The following APC variants were observed in gnomAD, a reference collection of about 807,000 sequenced individuals.
APC encodes adenomatous polyposis coli protein.
In APC, 72 loss-of-function variants were observed where a neutral mutation model predicts 247.0. That is an observed-to-expected ratio of 0.29 (90% CI 0.24 to 0.35). The LOEUF is 0.35. Among genes scored for constraint, APC ranks in the 10% least tolerant of loss-of-function variants. APC has a pLI of 1.00. For synonymous variants in APC, 1,254 were observed against 1,162.5 expected, an observed-to-expected ratio of 1.08 and a Z score of -1.60; for missense variants, 3,400 against 3,360.7, an observed-to-expected ratio of 1.01 and a Z score of -0.29.
chr5:112,752,906 G>T (rs1486654780), intron 1 of APC, among the ~76,000 whole-genome samples: 3 of 152,104 alleles, frequency 2.0e-5, no homozygotes, highest in Non-Finnish European at 4.4e-5. Context: ...CATCTGAAGA[G>T]TTGATTTTTT....
At chr5:112,770,285 T>C (rs1756892149) in intron 4 of APC, among the ~76,000 whole-genome samples, 1 of 152,172 alleles carries the variant, frequency 6.6e-6, no homozygotes, top group Non-Finnish European at 1.5e-5. Flanking sequence ...GAAAAGCTTA[T>C]TTCTCTGTTC....
chr5:112,809,900 G>A (rs996100284), intron 8 of APC, among the ~76,000 whole-genome samples: 10 of 152,140 alleles, frequency 6.6e-5, no homozygotes, highest in African/African-American at 2.4e-4. Context: ...GGGAGGCTGA[G>A]GCAGGAGAAT....
intron 1 of APC, among the ~76,000 whole-genome samples, chr5:112,722,430 G>C (rs909739540): frequency 6.6e-6 from 1 of 152,114 alleles, no homozygotes; most frequent in Admixed American, 6.5e-5. Flanking sequence ...GACCAAAGAC[G>C]TGGGGCTTTT....
rs2253987 is a variant in APC at position 112,831,165 on chromosome 5, G to A, written c.1743+2193G>A. ...TGCTCTGCTGCCAGGCTGGAGTGCA[G>A]TGGCAGGATCTCGGCTAACTGCAAC... On this transcript the variant is annotated intron_variant, in intron 14 of 15. Coordinates refer to ENST00000257430, the MANE Select transcript of APC (RefSeq NM_000038.6). Among the ~76,000 whole-genome samples, 60,613 of 151,616 alleles carry A rather than the reference G, an allele frequency of 0.4. 14,578 individuals are homozygous for A. The highest frequency in any genetic ancestry group is 0.66 in the East Asian group (3,421 of 5,158).
chr5:112,840,034 G>A lies in APC; in HGVS notation c.4440G>A (p.Gln1480=), dbSNP rs876659881. 3 of 1,613,954 alleles carry A rather than the reference G, an allele frequency of 1.9e-6. No individual in the cohort carries two copies. The highest frequency in any genetic ancestry group is 1.1e-5 in the South Asian group (1 of 91,080). Residue 1480 remains glutamine, a synonymous_variant, in exon 16 of 16, where the codon CAG becomes CAA. Coordinates refer to ENST00000257430, the MANE Select transcript of APC (RefSeq NM_000038.6). This position sits in a 1 kb window ranked among gnomAD's most constrained non-coding sequence, Gnocchi z 4.1. The stretch of plus-strand genomic sequence containing the variant: ...TAAATGCTGCAGTTCAGAGGGTCCA[G>A]GTTCTTCCAGATGCTGATACTTTAT... The part of the protein sequence containing the change: ...AAVNAAVQRV[Q]VLPDADTLLH...
At chr5:112,781,829 C>T (rs1758384766) in intron 6 of APC, among the ~76,000 whole-genome samples, 2 of 151,680 alleles carry the variant, frequency 1.3e-5, no homozygotes, top group Admixed American at 6.6e-5. Flanking sequence ...ATGATCTCAC[C>T]TGCAACTTCC....
chr5:112,819,549 T>C (rs1215599559), intron 10 of APC, among the ~76,000 whole-genome samples: 1 of 152,196 alleles, frequency 6.6e-6, no homozygotes, highest in East Asian at 1.9e-4. Context: ...TGCACTACTA[T>C]AAGAACAGTA....
In APC at chr5:112,842,103, C is replaced by T. The variant is rs755786285; in HGVS notation, c.6509C>T (p.Pro2170Leu). The T allele has an allele frequency of 1.2e-6, 2 of 1,611,154 alleles. No individual in the cohort carries two copies. The highest frequency in any genetic ancestry group is 8.5e-7 in the Non-Finnish European group (1 of 1,177,860). Residue 2170 changes from proline to leucine, a missense_variant, in exon 16 of 16, where the codon CCA (proline) becomes CTA (leucine). Coordinates refer to ENST00000257430, the MANE Select transcript of APC (RefSeq NM_000038.6). ...AATAAAGGCCCACGAATTCTAAAAC[C>T]AGGGGAGAAAAGTACATTGGAAACT... The part of the protein sequence containing the change: ...TSNKGPRILK[P>L]GEKSTLETKK...
intron 1 of APC, among the ~76,000 whole-genome samples, chr5:112,725,615 G>T (rs138643816): frequency 6.6e-6 from 1 of 151,610 alleles, no homozygotes; most frequent in Non-Finnish European, 1.5e-5. Flanking sequence ...AAAAAAAATA[G>T]CTGGGCTCAG....
rs1164356805 is a variant in APC, at chr5:112,845,320, A to T, written c.*1194A>T. On this transcript the variant is annotated 3_prime_UTR_variant, in exon 16 of 16. Transcript: ENST00000257430. ...GCAAGCAGCCTAGCACAGACTAAGCATTGAGCATAATAGGCCCACATAATT... is the reference window on the plus strand; with the variant it reads ...GCAAGCAGCCTAGCACAGACTAAGCTTTGAGCATAATAGGCCCACATAATT... The T allele has an allele frequency of 4.3e-6, 1 of 232,760 alleles. No homozygotes were observed. Among genetic ancestry groups the T allele is most frequent in the African/African-American group, 2.2e-5 (1 of 45,308 alleles). 14.4% of individuals were successfully genotyped at this position (232,760 alleles called of 1,614,324 possible). A position where few individuals can be genotyped will look rare whatever the true frequency, so the allele number is the denominator to read the frequency against.
At position 112,755,015 on chromosome 5, in the gene APC, C is replaced by A. The variant is rs781207121; in HGVS notation, c.125C>A (p.Ser42Tyr). 1 of 1,613,568 alleles carries A rather than the reference C, an allele frequency of 6.2e-7. No individual in the cohort carries two copies. Among genetic ancestry groups the A allele is most frequent in the African/African-American group, 1.3e-5 (1 of 75,008 alleles). The change falls in exon 2 of 16, where the codon TCT (serine) becomes TAT (tyrosine). Residue 42 changes from serine to tyrosine, a missense_variant. Coordinates refer to ENST00000257430, the MANE Select transcript of APC (RefSeq NM_000038.6). ...CTTACAAAACTGGAAACTGAGGCAT[C>A]TAATATGAAGGTATCAAGACTGTGA... ...NHLTKLETEA[S>Y]NMKEVLKQLQ...
chr5:112,715,179 A>ACAAAAC (rs1751087562), intron 1 of APC, among the ~76,000 whole-genome samples: 1 of 152,306 alleles, frequency 6.6e-6, no homozygotes, highest in African/African-American at 2.4e-5. Context: ...CATTTTCTCA[A>ACAAAAC]CAAAACCAAA....
chr5:112,762,201 TGACTGATGTTTAAAA>T (rs1427657257), intron 2 of APC, among the ~76,000 whole-genome samples: 1 of 152,226 alleles, frequency 6.6e-6, no homozygotes, highest in Non-Finnish European at 1.5e-5. Flanking sequence ...CCTACTCAAA[TGACTGATGTTTAAAA>T]GACTGATCAC....
rs1218732565 is a variant in APC, at chr5:112,845,172, C to G, written c.*1046C>G. ...CACTTAACCATTCCATGCGTTGGCA[C>G]TTATCTATTCCTGAAATTTCTTTTA... On this transcript the variant is annotated 3_prime_UTR_variant, in exon 16 of 16. Transcript: ENST00000257430. 1 of 232,530 alleles carries G rather than the reference C, an allele frequency of 4.3e-6. No individual in the cohort carries two copies. Among genetic ancestry groups the G allele is most frequent in the East Asian group, 6.1e-5 (1 of 16,378 alleles). The allele number at this position is 232,530 out of a possible 1,614,324, so 14.4% of individuals were successfully genotyped here.
chr5:112,760,009 G>A (rs1316402679), intron 2 of APC, among the ~76,000 whole-genome samples: 1 of 152,070 alleles, frequency 6.6e-6, no homozygotes, highest in African/African-American at 2.4e-5. Flanking sequence ...GGACACTGGA[G>A]GACTGTGGAA....
chr5:112,839,524 G>C lies in APC; in HGVS notation c.3930G>C (p.Lys1310Asn), dbSNP rs1461685734. 6.2e-7 allele frequency: 1 copy of C among 1,614,180 alleles called. No individual in the cohort carries two copies. Among genetic ancestry groups the C allele is most frequent in the East Asian group, 2.2e-5 (1 of 44,884 alleles). Reference sequence around the variant, plus strand: ...TGCAAATAGCAGAAATAAAAGAAAAGATTGGAACTAGGTCAGCTGAAGATC... The same window carrying C: ...TGCAAATAGCAGAAATAAAAGAAAACATTGGAACTAGGTCAGCTGAAGATC... Reference protein sequence around the residue: ...NTLQIAEIKEKIGTRSAEDPV... With the variant: ...NTLQIAEIKENIGTRSAEDPV... The change falls in exon 16 of 16, where the codon AAG becomes AAC. Residue 1310 changes from lysine (K) to asparagine (N), a missense_variant. Lys to Asn is a moderately conservative substitution (Grantham distance 94, BLOSUM62 0). This residue lies in a region of APC where 715 missense variants were observed against 656.6 expected (regional missense o/e 1.09). Transcript: ENST00000257430. This position sits in a 1 kb window ranked among gnomAD's most constrained non-coding sequence, Gnocchi z 5.0.
chr5:112,822,019 T>C, intron 11 of APC, 28 bp downstream of exon 11: 1 of 1,403,008 alleles, frequency 7.1e-7, no homozygotes, highest in South Asian at 1.2e-5. Flanking sequence ...TTTAATGACA[T>C]AGACAATTAC....
At chr5:112,831,011 A>G (rs1172491183) in intron 14 of APC, among the ~76,000 whole-genome samples, 1 of 152,222 alleles carries the variant, frequency 6.6e-6, no homozygotes, top group Non-Finnish European at 1.5e-5. Context: ...AACCCTGTGT[A>G]GTTTCAGAAG....
At chr5:112,738,608 AGTG>A (rs1752612830) in intron 1 of APC, 3 of 635,532 alleles carry the variant, frequency 4.7e-6, no homozygotes, top group Non-Finnish European at 5.9e-6. Flanking sequence ...ATGCAGTGGT[AGTG>A]GCTTTTTGCG....
Sources: gnomAD v4.1 joint callset for allele counts (sites outside exome capture counted in the v4.1 genomes callset) on GRCh38, gnomAD v4.1.1 for gene constraint, gnomAD v4.1.1 regional missense constraint, Gnocchi (gnomAD v3.1) non-coding constraint, MANE v1.5 for transcripts, NCBI Gene and HGNC (gene_info 2026-07-23, HGNC 2026-07-21) for gene names.